Variants in CRYBG3 observed in about 807,000 individuals in gnomAD.
CRYBG3 encodes very large A-kinase anchor protein.
Under a neutral mutation model 244.2 loss-of-function variants are expected in CRYBG3, and 127 were observed. The observed-to-expected ratio is 0.52, with a 90% CI of 0.45 to 0.60. The LOEUF (loss-of-function observed/expected upper bound fraction) is 0.60, where lower values mean the gene tolerates loss of function less well. Ranked by LOEUF, CRYBG3 falls within the 20% of genes least tolerant of loss-of-function variation. CRYBG3 has a pLI of 0.00. For synonymous variants in CRYBG3, 1,132 were observed against 1,195.8 expected, an observed-to-expected ratio of 0.95 and a Z score of 1.10; for missense variants, 3,325 against 3,442.5, an observed-to-expected ratio of 0.97 and a Z score of 0.85.
chr3:97,873,431 C>T lies in CRYBG3; in HGVS notation c.2237C>T (p.Pro746Leu). ...AATAGTGAAAAATGCCAGGTTCTTC[C>T]AGGTTCTGAAGCCAGTGGCCCTCAC... ...LSNSEKCQVL[P>L]GSEASGPHLT... The change falls in exon 4 of 22, where the codon CCA becomes CTA. Residue 746 changes from proline (P) to leucine (L), a missense_variant. Transcript: ENST00000389622. 1 of 1,535,138 alleles carries T rather than the reference C, an allele frequency of 6.5e-7. No individual in the cohort carries two copies. Among genetic ancestry groups the T allele is most frequent in the South Asian group, 1.2e-5 (1 of 83,864 alleles).
chr3:97,875,073 T>C lies in CRYBG3; in HGVS notation c.3879T>C (p.Asn1293=). 6.5e-7 allele frequency: 1 copy of C among 1,534,114 alleles called. No homozygotes were observed. The highest frequency in any genetic ancestry group is 2.4e-5 in the East Asian group (1 of 40,906). Residue 1293 remains asparagine, a synonymous_variant, in exon 4 of 22, where the codon AAT becomes AAC. Transcript: ENST00000389622. ...VGEKNLLVDP[N]SMNVSCLLED... Reference sequence around the variant, plus strand: ...AGAAGAATCTTCTTGTTGATCCTAATAGTATGAATGTATCTTGTTTGTTAG... The same window carrying C: ...AGAAGAATCTTCTTGTTGATCCTAACAGTATGAATGTATCTTGTTTGTTAG...
chr3:97,836,077 G>T (rs1020352317), intron 1 of CRYBG3, among the ~76,000 whole-genome samples: 1 of 152,008 alleles, frequency 6.6e-6, no homozygotes, highest in Non-Finnish European at 1.5e-5. Flanking sequence ...CTTATTTTGG[G>T]GGCGTGAGTT....
At chr3:97,938,550 GCA>G (rs2040189397) in intron 19 of CRYBG3, among the ~76,000 whole-genome samples, 1 of 151,220 alleles carries the variant, frequency 6.6e-6, no homozygotes, top group Non-Finnish European at 1.5e-5. Context: ...ATGCACACAT[GCA>G]CACACACCAT....
chr3:97,868,283 CAAAA>C (rs11429773), intron 3 of CRYBG3, among the ~76,000 whole-genome samples: 1 of 117,040 alleles, frequency 8.5e-6, no homozygotes, highest in Non-Finnish European at 1.7e-5. Context: ...GACTCCATCT[CAAAA>C]AAAAAAAAAA....
intron 15 of CRYBG3, among the ~76,000 whole-genome samples, chr3:97,905,217 T>G (rs2039757444): frequency 6.6e-6 from 1 of 152,002 alleles, no homozygotes; most frequent in African/African-American, 2.4e-5. Context: ...TGTGCATGTG[T>G]CTTTATAGCA....
intron 17 of CRYBG3, 38 bp from the exon 18 acceptor site, chr3:97,933,656 G>A: frequency 6.2e-7 from 1 of 1,606,390 alleles, no homozygotes; most frequent in Non-Finnish European, 8.5e-7. Context: ...CTGAGATATG[G>A]CCACTCCTAT....
At position 97,822,115 on chromosome 3, in the gene CRYBG3, C is replaced by T; in HGVS notation, c.-92C>T. 1 of 1,233,932 alleles carries T rather than the reference C, an allele frequency of 8.1e-7. No individual in the cohort carries two copies. Among genetic ancestry groups the T allele is most frequent in the East Asian group, 3.0e-5 (1 of 33,246 alleles). 76.4% of individuals were successfully genotyped at this position (1,233,932 alleles called of 1,614,324 possible). On this transcript the variant is annotated 5_prime_UTR_variant, in exon 1 of 22. Coordinates refer to ENST00000389622, the MANE Select transcript of CRYBG3 (RefSeq NM_153605.4). ...TCGCGTCGAGTCGGTCTGCCCTAGC[C>T]GCATCCCGCGGCGCCCGGTCGGGCT... is the stretch of plus-strand genomic sequence containing the variant.
chr3:97,867,441 T>C (rs1177371970), intron 3 of CRYBG3, among the ~76,000 whole-genome samples: 1 of 152,294 alleles, frequency 6.6e-6, no homozygotes, highest in South Asian at 2.1e-4. Flanking sequence ...AGGATTTTCT[T>C]TGAAGAATGA....
chr3:97,881,680 C>T (rs1458787329), intron 7 of CRYBG3, among the ~76,000 whole-genome samples: 1 of 151,720 alleles, frequency 6.6e-6, no homozygotes, highest in Non-Finnish European at 1.5e-5. Flanking sequence ...CACGCCACTG[C>T]ACTCCAGCCT....
chr3:97,874,838 T>A lies in CRYBG3; in HGVS notation c.3644T>A (p.Leu1215Gln). The change falls in exon 4 of 22, where the codon CTA (leucine) becomes CAA (glutamine). Residue 1215 changes from leucine to glutamine, a missense_variant. Transcript: ENST00000389622. ...ATTTTTAATTCTGTCAGGGAAGAAC[T>A]AAAATTCAAACACACAGTGAGTACC... Reference protein sequence around the residue: ...GEIFNSVREELKFKHTVSTCQ... With the variant: ...GEIFNSVREEQKFKHTVSTCQ... 2 of 1,535,896 alleles carry A rather than the reference T, an allele frequency of 1.3e-6. No homozygotes were observed. Among genetic ancestry groups the A allele is most frequent in the Non-Finnish European group, 1.7e-6 (2 of 1,146,818 alleles).
chr3:97,828,981 A>G (rs1006433319), intron 1 of CRYBG3, among the ~76,000 whole-genome samples: 24 of 152,264 alleles, frequency 1.6e-4, no homozygotes, highest in African/African-American at 5.1e-4. Context: ...TTTTGGGGGT[A>G]TGGGGAACTG....
intron 2 of CRYBG3, among the ~76,000 whole-genome samples, chr3:97,846,960 A>G (rs1337687015): frequency 6.6e-6 from 1 of 152,252 alleles, no homozygotes; most frequent in African/African-American, 2.4e-5. Context: ...TACATAAAGC[A>G]TGGCACCAAC....
Position 97,872,855 on chromosome 3 carries a change from C to G in CRYBG3, c.1661C>G (p.Ser554Ter), listed in dbSNP as rs1365860493. 1 of 1,535,694 alleles carries G rather than the reference C, an allele frequency of 6.5e-7. No homozygotes were observed. The highest frequency in any genetic ancestry group is 8.7e-7 in the Non-Finnish European group (1 of 1,146,780). Residue 554 changes from serine to a stop codon, truncating the protein, a stop_gained, in exon 4 of 22, where the codon TCA becomes TGA. Transcript: ENST00000389622. LOFTEE classifies it high-confidence loss of function. The stretch of plus-strand genomic sequence containing the variant: ...AAAGCTCCAGAAGATAAAATTGAGT[C>G]ATTACCCAAAGATACTGACCAATAC... ...HVKAPEDKIESLPKDTDQYFE... is the reference protein window; with the variant it reads ...HVKAPEDKIE
chr3:97,872,960 C>T lies in CRYBG3; in HGVS notation c.1766C>T (p.Ala589Val), dbSNP rs972053915. ...ATTAGAATGAATAAAAAAGACCTGG[C>T]CTCTTTAAATTACATCAGTGAATCA... ...PHIRMNKKDL[A>V]SLNYISESAV... is the part of the protein sequence containing the mutation. Residue 589 changes from alanine (A) to valine (V), a missense_variant, in exon 4 of 22, where the codon GCC becomes GTC. By Grantham distance (64) the Ala-to-Val change is moderately conservative. Around this residue, in one of 4 missense-constraint regions of CRYBG3, gnomAD observed 1,526 missense variants for 1,443.2 expected, o/e 1.06. Coordinates refer to ENST00000389622, the MANE Select transcript of CRYBG3 (RefSeq NM_153605.4). 5 of 1,534,024 alleles carry T rather than the reference C, an allele frequency of 3.3e-6. No individual in the cohort carries two copies. The African/African-American group carries it at 5.5e-5, about 17-fold the overall frequency.
intron 3 of CRYBG3, among the ~76,000 whole-genome samples, chr3:97,865,663 A>G (rs761676562): frequency 7.2e-5 from 11 of 152,194 alleles, no homozygotes; most frequent in Non-Finnish European, 1.6e-4. Flanking sequence ...TAAATCGAGC[A>G]GAGTAGGCAG....
chr3:97,867,430 C>T (rs1412813100), intron 3 of CRYBG3, among the ~76,000 whole-genome samples: 1 of 152,138 alleles, frequency 6.6e-6, no homozygotes, highest in Admixed American at 6.5e-5. Context: ...GCTGCTATTA[C>T]AGGATTTTCT....
chr3:97,902,945 T>C (rs1178444635), intron 15 of CRYBG3, among the ~76,000 whole-genome samples: 1 of 152,186 alleles, frequency 6.6e-6, no homozygotes, highest in Admixed American at 6.6e-5. Flanking sequence ...CTAGATTAAA[T>C]CTTATAACAG....
In CRYBG3 at chr3:97,866,012, C is replaced by T. The variant is rs545528448; in HGVS notation, c.647+1365C>T. On this transcript the variant is annotated intron_variant, in intron 3 of 21. Coordinates refer to ENST00000389622, the MANE Select transcript of CRYBG3 (RefSeq NM_153605.4). The stretch of plus-strand genomic sequence containing the variant: ...GATAAGCAATTTAGACAACAACTCA[C>T]CAATAGAAAAGTCAAACAATATAAA... Among the ~76,000 whole-genome samples, 10 of 152,056 alleles carry T rather than the reference C, an allele frequency of 6.6e-5. No individual in the cohort carries two copies. The East Asian group carries it at 1.5e-3, about 24-fold the overall frequency.
At chr3:97,904,171 C>T (rs1056914189) in intron 15 of CRYBG3, among the ~76,000 whole-genome samples, 5 of 152,146 alleles carry the variant, frequency 3.3e-5, no homozygotes, top group African/African-American at 4.8e-5. Flanking sequence ...TCAGCAAGCT[C>T]AGAGTTGGTT....
Sources: gnomAD v4.1 joint callset for allele counts (sites outside exome capture counted in the v4.1 genomes callset) on GRCh38, gnomAD v4.1.1 for gene constraint, gnomAD v4.1.1 regional missense constraint, MANE v1.5 for transcripts, NCBI Gene and HGNC (gene_info 2026-07-23, HGNC 2026-07-21) for gene names.